CAPN13: variants seen among roughly 807,000 people sequenced by gnomAD.
CAPN13 encodes the protein calpain-13.
Under a neutral mutation model 98.4 loss-of-function variants are expected in CAPN13, and 90 were observed. That is an observed-to-expected ratio of 0.92 (90% CI 0.77 to 1.09). CAPN13 has a LOEUF of 1.09. CAPN13 is among the 50% of genes least tolerant of loss of function. The pLI is 0.00. For synonymous variants in CAPN13, 330 were observed against 305.5 expected (o/e 1.08, Z -0.84); for missense variants, 887 against 841.3 (o/e 1.05, Z -0.67).
At chr2:30,798,910 C>T (rs4952182) in intron 1 of CAPN13, among the ~76,000 whole-genome samples, 31,274 of 152,056 alleles carry the variant, frequency 0.21, 3,917 homozygotes, top group Admixed American at 0.37. Context: ...GGGGAAGGGG[C>T]CTGTGCACTT....
At chr2:30,746,912 A>G (rs1045040088) in intron 11 of CAPN13, among the ~76,000 whole-genome samples, 2 of 152,240 alleles carry the variant, frequency 1.3e-5, no homozygotes, top group African/African-American at 2.4e-5. Context: ...CTTCACAGCA[A>G]TGATGATCGC....
intron 1 of CAPN13, among the ~76,000 whole-genome samples, chr2:30,797,283 C>T (rs375937004): frequency 1.5e-4 from 23 of 152,264 alleles, no homozygotes; most frequent in South Asian, 2.1e-4. Context: ...CCTAAGTTTC[C>T]CTACCGCCAA....
chr2:30,753,979 G>C (rs906806806), intron 9 of CAPN13, among the ~76,000 whole-genome samples: 3 of 152,148 alleles, frequency 2.0e-5, no homozygotes, highest in Non-Finnish European at 2.9e-5. Flanking sequence ...GAGGATATGG[G>C]CATGACAACC....
At chr2:30,768,677 T>C (rs1673231773) in intron 5 of CAPN13, among the ~76,000 whole-genome samples, 2 of 126,262 alleles carry the variant, frequency 1.6e-5, no homozygotes, top group African/African-American at 1.1e-4. Flanking sequence ...GAACTTTCTT[T>C]TTTCCTTCCT....
intron 13 of CAPN13, among the ~76,000 whole-genome samples, chr2:30,742,948 G>C (rs1243118981): frequency 5.9e-5 from 9 of 152,136 alleles, no homozygotes; most frequent in African/African-American, 2.2e-4. Context: ...TATGGATGCC[G>C]ATGCTACTTA....
chr2:30,742,633 T>C (rs970351352), intron 13 of CAPN13, among the ~76,000 whole-genome samples: 2 of 152,238 alleles, frequency 1.3e-5, no homozygotes, highest in African/African-American at 2.4e-5. Context: ...GTATGGCAGA[T>C]AGGCTCTGCC....
chr2:30,789,939 A>G (rs1375615625), intron 1 of CAPN13, among the ~76,000 whole-genome samples: 1 of 152,138 alleles, frequency 6.6e-6, no homozygotes, highest in Non-Finnish European at 1.5e-5. Flanking sequence ...TGCATTCACT[A>G]CATGGGCTGC....
At chr2:30,725,108 A>C (rs7582317) in intron 22 of CAPN13, among the ~76,000 whole-genome samples, 2,158 of 151,542 alleles carry the variant, frequency 0.014, 57 homozygotes, top group African/African-American at 0.05. Context: ...TTAGCTAGAC[A>C]AACTCTCAGC....
chr2:30,781,384 T>C (rs1401169863), intron 2 of CAPN13, among the ~76,000 whole-genome samples: 2 of 152,192 alleles, frequency 1.3e-5, no homozygotes, highest in African/African-American at 4.8e-5. Context: ...TAATTTTATA[T>C]ACCATCCTAA....
At chr2:30,803,828 T>G (rs892803493) in intron 1 of CAPN13, among the ~76,000 whole-genome samples, 25 of 152,178 alleles carry the variant, frequency 1.6e-4, no homozygotes, top group African/African-American at 5.5e-4. Flanking sequence ...CCTTTCAACA[T>G]GAGTATCATG....
At chr2:30,750,951 G>T in intron 11 of CAPN13, 152 bp downstream of exon 11, 1 of 851,340 alleles carries the variant, frequency 1.2e-6, no homozygotes, top group Non-Finnish European at 1.8e-6. Context: ...TGCACATTTA[G>T]ACTTGGACTG....
At chr2:30,726,624 T>C (rs1472583367) in intron 22 of CAPN13, among the ~76,000 whole-genome samples, 3 of 152,092 alleles carry the variant, frequency 2.0e-5, no homozygotes, top group Admixed American at 6.5e-5. Context: ...TATTTAAAAT[T>C]GCATCCCAAA....
chr2:30,725,111 C>T (rs1670813049), intron 22 of CAPN13, among the ~76,000 whole-genome samples: 1 of 150,892 alleles, frequency 6.6e-6, no homozygotes. Context: ...GCTAGACAAA[C>T]TCTCAGCAGG....
At chr2:30,764,049 T>C in intron 6 of CAPN13, 83 bp downstream of exon 6, 1 of 1,386,764 alleles carries the variant, frequency 7.2e-7, no homozygotes, top group Non-Finnish European at 9.8e-7. Context: ...TGCCACATCC[T>C]CCTTAGCTGA....
chr2:30,730,889 C>A, intron 21 of CAPN13, 103 bp from the exon 22 acceptor site: 2 of 748,468 alleles, frequency 2.7e-6, no homozygotes. Flanking sequence ...TCAGTCCAGT[C>A]TCATCACCCC....
At chr2:30,735,811 C>A (rs1469710848) in intron 18 of CAPN13, among the ~76,000 whole-genome samples, 1 of 152,134 alleles carries the variant, frequency 6.6e-6, no homozygotes, top group Non-Finnish European at 1.5e-5. Flanking sequence ...TTTTTAAAAA[C>A]AGATTATACT....
chr2:30,785,988 C>G (rs909372115), intron 2 of CAPN13, among the ~76,000 whole-genome samples: 2 of 152,012 alleles, frequency 1.3e-5, no homozygotes, highest in African/African-American at 2.4e-5. Context: ...GATCCCTAAC[C>G]CTTCCCTTCA....
At chr2:30,792,182 A>G (rs1489933918) in intron 1 of CAPN13, among the ~76,000 whole-genome samples, 2 of 152,164 alleles carry the variant, frequency 1.3e-5, no homozygotes, top group African/African-American at 4.8e-5. Context: ...GAAAGACAAG[A>G]GCAGAAATTA....
At chr2:30,777,930 C>T (rs904491369) in intron 2 of CAPN13, among the ~76,000 whole-genome samples, 2 of 152,014 alleles carry the variant, frequency 1.3e-5, no homozygotes, top group Non-Finnish European at 2.9e-5. Context: ...CATTCCATCT[C>T]GACAAGGCAG....
Sources: allele counts gnomAD v4.1 joint callset (sites outside exome capture counted in the v4.1 genomes callset), GRCh38; gene constraint gnomAD v4.1.1; transcripts MANE v1.5; gene names NCBI Gene and HGNC (gene_info 2026-07-23, HGNC 2026-07-21).